Variants in CPQ observed in about 807,000 individuals in gnomAD.
CPQ encodes Ser-Met dipeptidase.
A neutral mutation model predicts 45.7 loss-of-function variants in CPQ; 37 were observed. That is an observed-to-expected ratio of 0.81 (90% CI 0.62 to 1.07). CPQ has a LOEUF of 1.07. Among genes scored for constraint, CPQ ranks in the 50% least tolerant of loss-of-function variants. The pLI, the probability that CPQ is intolerant of heterozygous loss-of-function variation, is 0.00. For missense variants in CPQ, 537 were observed against 572.9 expected, an observed-to-expected ratio of 0.94 and a Z score of 0.64; for synonymous variants, 186 against 205.8, an observed-to-expected ratio of 0.90 and a Z score of 0.82.
chr8:97,086,613 G>A (rs1162701045), intron 7 of CPQ, among the ~76,000 whole-genome samples: 1 of 152,008 alleles, frequency 6.6e-6, no homozygotes, highest in African/African-American at 2.4e-5. Flanking sequence ...ATTCACCAAA[G>A]CTACACACCC....
At chr8:96,864,216 C>T (rs1403938767) in intron 3 of CPQ, among the ~76,000 whole-genome samples, 1 of 152,018 alleles carries the variant, frequency 6.6e-6, no homozygotes, top group Non-Finnish European at 1.5e-5. Flanking sequence ...GCCTGCAGTG[C>T]CTCACCCTGT....
intron 4 of CPQ, among the ~76,000 whole-genome samples, chr8:96,965,042 C>A (rs1813531584): frequency 6.6e-6 from 1 of 152,100 alleles, no homozygotes; most frequent in Non-Finnish European, 1.5e-5. Context: ...GTGATGATTT[C>A]AAATGTGTAA....
At chr8:96,837,366 G>C (rs1360095527) in intron 3 of CPQ, among the ~76,000 whole-genome samples, 2 of 152,096 alleles carry the variant, frequency 1.3e-5, no homozygotes, top group Non-Finnish European at 2.9e-5. Flanking sequence ...GCAAATAACT[G>C]CCTACGTGTC....
intron 1 of CPQ, among the ~76,000 whole-genome samples, chr8:96,696,298 G>A (rs1007087884): frequency 6.6e-6 from 1 of 151,862 alleles, no homozygotes; most frequent in Non-Finnish European, 1.5e-5. Context: ...TTGTGGGGTG[G>A]GGGGAGTGGG....
intron 2 of CPQ, among the ~76,000 whole-genome samples, chr8:96,809,352 T>G (rs1486377850): frequency 1.3e-5 from 2 of 152,168 alleles, no homozygotes; most frequent in Non-Finnish European, 2.9e-5. Flanking sequence ...GTTGATCACC[T>G]GCTGAATGAG....
chr8:97,123,446 T>C (rs917110215), intron 7 of CPQ, among the ~76,000 whole-genome samples: 1 of 151,304 alleles, frequency 6.6e-6, no homozygotes, highest in African/African-American at 2.4e-5. Flanking sequence ...CTTAAATATA[T>C]GAAGTACATA....
chr8:96,971,409 A>G (rs1813677046), intron 5 of CPQ, among the ~76,000 whole-genome samples: 1 of 152,254 alleles, frequency 6.6e-6, no homozygotes, highest in African/African-American at 2.4e-5. Context: ...ATTATTGGAA[A>G]TATTTGAAAT....
chr8:96,677,489 A>G lies in CPQ; in HGVS notation c.-35+32087A>G, dbSNP rs183407771. Among the ~76,000 whole-genome samples the G allele has an allele frequency of 1.8e-3, 269 of 151,498 alleles. 2 individuals are homozygous for G. The highest frequency in any genetic ancestry group is 0.014 in the Middle Eastern group (4 of 292). On this transcript the variant is annotated intron_variant, in intron 1 of 7. Transcript: ENST00000220763. ...GTATGTCTTCTTTTGAAAATTGTCT[A>G]TATGTCCTTTGTGCACTTTTTGATG... is the stretch of plus-strand genomic sequence containing the variant.
At chr8:96,790,216 A>G (rs1033849032) in intron 2 of CPQ, among the ~76,000 whole-genome samples, 4 of 152,152 alleles carry the variant, frequency 2.6e-5, no homozygotes, top group Admixed American at 6.5e-5. Flanking sequence ...CTCTTCCCCC[A>G]GGAGAACATT....
At chr8:96,983,393 T>C (rs1396696824) in intron 5 of CPQ, among the ~76,000 whole-genome samples, 1 of 152,226 alleles carries the variant, frequency 6.6e-6, no homozygotes, top group Non-Finnish European at 1.5e-5. Flanking sequence ...TAGAGAGTTA[T>C]TACTGCGTTA....
intron 4 of CPQ, among the ~76,000 whole-genome samples, chr8:96,903,399 A>T (rs1003817335): frequency 6.6e-6 from 1 of 152,168 alleles, no homozygotes; most frequent in Non-Finnish European, 1.5e-5. Context: ...TGTTGATATT[A>T]TGACTAATGT....
intron 4 of CPQ, among the ~76,000 whole-genome samples, chr8:96,905,066 G>A (rs999865678): frequency 6.6e-6 from 1 of 152,078 alleles, no homozygotes; most frequent in Non-Finnish European, 1.5e-5. Context: ...AAGTTTAATG[G>A]ACTCTTAGTT....
chr8:96,668,964 A>C (rs1344338305), intron 1 of CPQ, among the ~76,000 whole-genome samples: 1 of 152,124 alleles, frequency 6.6e-6, no homozygotes, highest in African/African-American at 2.4e-5. Flanking sequence ...AAAAGTAACC[A>C]CTCTATTGCA....
intron 1 of CPQ, among the ~76,000 whole-genome samples, chr8:96,711,440 C>T (rs991307397): frequency 2.0e-5 from 3 of 152,078 alleles, no homozygotes; most frequent in African/African-American, 7.2e-5. Context: ...TGTTCTCACA[C>T]TGCTAATAAA....
In CPQ at chr8:96,753,984, C is replaced by T. The variant is rs111720410; in HGVS notation, c.-34-30880C>T. On this transcript the variant is annotated intron_variant, in intron 1 of 7. Transcript: ENST00000220763. ...GTTCTTTTTTTAAAATAATTATGTC[C>T]TCTTATTTGACCTAGTGATGCAATG... Among the ~76,000 whole-genome samples, 182 of 151,562 alleles carry T rather than the reference C, an allele frequency of 1.2e-3. 1 individual carries two copies. Among genetic ancestry groups the T allele is most frequent in the African/African-American group, 3.5e-3 (145 of 41,432 alleles).
chr8:96,918,690 C>A (rs183976992), intron 4 of CPQ, among the ~76,000 whole-genome samples: 95 of 152,124 alleles, frequency 6.2e-4, no homozygotes, highest in African/African-American at 2.2e-3. Flanking sequence ...TTCATTTCAC[C>A]TCCTTGTTCT....
At chr8:96,706,765 CTT>C (rs1231344815) in intron 1 of CPQ, among the ~76,000 whole-genome samples, 3 of 152,102 alleles carry the variant, frequency 2.0e-5, no homozygotes, top group Non-Finnish European at 4.4e-5. Context: ...GAGGAAATGA[CTT>C]TGAGTTTTTA....
intron 5 of CPQ, among the ~76,000 whole-genome samples, chr8:97,003,106 T>G (rs1353442500): frequency 6.6e-6 from 1 of 152,052 alleles, no homozygotes; most frequent in Non-Finnish European, 1.5e-5. Flanking sequence ...CTGTTTCCTA[T>G]TTGGTAGATT....
intron 7 of CPQ, among the ~76,000 whole-genome samples, chr8:97,122,661 G>A (rs1046042184): frequency 4.6e-5 from 7 of 151,738 alleles, no homozygotes; most frequent in East Asian, 1.9e-4. Flanking sequence ...CAAGGCACGC[G>A]GATCATTGAG....
Sources: gnomAD v4.1 joint callset for allele counts (sites outside exome capture counted in the v4.1 genomes callset) on GRCh38, gnomAD v4.1.1 for gene constraint, MANE v1.5 for transcripts, NCBI Gene and HGNC (gene_info 2026-07-23, HGNC 2026-07-21) for gene names.